Variants in GLYATL1 observed in about 807,000 individuals in gnomAD.
GLYATL1 encodes the protein glycine-N-acyltransferase like 1.
A neutral mutation model predicts 20.0 loss-of-function variants in GLYATL1; 15 were observed. The ratio of observed to expected loss-of-function variants is 0.75; its 90% CI spans 0.50 to 1.15. The LOEUF (loss-of-function observed/expected upper bound fraction) is 1.15. GLYATL1 is among the 50% of genes most tolerant of loss of function. GLYATL1 has a pLI of 0.00. For missense variants in GLYATL1, 380 were observed against 368.5 expected (o/e 1.03, Z -0.26); for synonymous variants, 151 against 131.5 (o/e 1.15, Z -1.01).
chr11:58,918,997 A>G (rs138144760), intron 1 of GLYATL1, among the ~76,000 whole-genome samples: 314 of 152,276 alleles, frequency 2.1e-3, no homozygotes, highest in Non-Finnish European at 3.7e-3. Context: ...CTGTAACTTG[A>G]ACAGCAGTTG....
chr11:58,943,630 G>A lies in GLYATL1; in HGVS notation c.-79G>A. ...CGGAAGGTACCTGCAGGATCCAATT[G>A]TGTCCATTGATCTCTCAGAGTGGCT... On this transcript the variant is annotated 5_prime_UTR_variant, in exon 2 of 7. In the 5' UTR this introduces an upstream ATG that the reference lacks. Transcript: ENST00000532726. 1 of 1,613,658 alleles carries A rather than the reference G, an allele frequency of 6.2e-7. No homozygotes were observed. The highest frequency in any genetic ancestry group is 1.3e-5 in the African/African-American group (1 of 75,022).
At chr11:58,924,154 C>A (rs758644313), upstream of GLYATL1, among the ~76,000 whole-genome samples, 17 of 152,252 alleles carry the variant, frequency 1.1e-4, no homozygotes, top group Non-Finnish European at 2.2e-4. Flanking sequence ...GCACTCCAGG[C>A]ATTTATTTTG....
chr11:58,947,110 A>G lies in GLYATL1; in HGVS notation c.23A>G (p.His8Arg), dbSNP rs1182222200. ...AGAATGATCCTACTGAATAACTCCC[A>G]TAAGCTGCTGGCCCTATACAAATCC... MILLNNS[H>R]KLLALYKSLA... The change falls in exon 3 of 7, where the codon CAT becomes CGT. Residue 8 changes from histidine to arginine, a missense_variant. Transcript: ENST00000532726. 1.2e-6 allele frequency: 2 copies of G among 1,614,120 alleles called. No homozygotes were observed. Among genetic ancestry groups the G allele is most frequent in the African/African-American group, 2.7e-5 (2 of 75,062 alleles).
At chr11:58,919,960 C>T (rs1362558672) in intron 1 of GLYATL1, among the ~76,000 whole-genome samples, 5 of 152,154 alleles carry the variant, frequency 3.3e-5, no homozygotes, top group Non-Finnish European at 7.4e-5. Context: ...GGTTTTCCAC[C>T]ATTCTCCCTC....
chr11:58,925,741 A>C (rs965017494), upstream of GLYATL1, among the ~76,000 whole-genome samples: 2 of 152,172 alleles, frequency 1.3e-5, no homozygotes, highest in Admixed American at 6.5e-5. Flanking sequence ...AGCTGATTGA[A>C]ATTTGTCATC....
At chr11:58,918,679 A>G (rs1317107886) in intron 1 of GLYATL1, among the ~76,000 whole-genome samples, 1 of 152,184 alleles carries the variant, frequency 6.6e-6, no homozygotes, top group East Asian at 1.9e-4. Flanking sequence ...TTAATAATAT[A>G]AGGAAAGTTA....
At chr11:58,913,797 C>T (rs1385590431) in intron 1 of GLYATL1, among the ~76,000 whole-genome samples, 1 of 152,096 alleles carries the variant, frequency 6.6e-6, no homozygotes, top group African/African-American at 2.4e-5. Context: ...GCAGGTGAGT[C>T]TTAGATGGAA....
chr11:58,907,278 C>G (rs1164740198), exon 2 of GLYATL1: 10 of 456,168 alleles, frequency 2.2e-5, no homozygotes, highest in Non-Finnish European at 4.4e-5. Flanking sequence ...TCTCTTGTCA[C>G]CTTGGTCTCT....
intron 1 of GLYATL1, among the ~76,000 whole-genome samples, chr11:58,907,083 G>T (rs1188347659): frequency 1.3e-5 from 2 of 152,182 alleles, no homozygotes; most frequent in Non-Finnish European, 2.9e-5. Context: ...CAGGGAGAGG[G>T]TTGGAGGAAA....
chr11:58,910,513 T>C (rs142239700), downstream of GLYATL1, among the ~76,000 whole-genome samples: 1 of 152,210 alleles, frequency 6.6e-6, no homozygotes, highest in Non-Finnish European at 1.5e-5. Context: ...CATGTGGCTG[T>C]GGTATTAGAC....
Position 58,944,272 on chromosome 11 carries a change from G to C in GLYATL1, c.-43+606G>C, listed in dbSNP as rs532554595. Among the ~76,000 whole-genome samples the C allele has an allele frequency of 1.2e-4, 19 of 152,228 alleles. No homozygotes were observed. The South Asian group carries it at 3.9e-3, about 32-fold the overall frequency. ...ACTAAAAACAGTTTTGGCACTATTGGATGTCAACTGCTATTCTTTTTGGAA... is the reference window on the plus strand; with the variant it reads ...ACTAAAAACAGTTTTGGCACTATTGCATGTCAACTGCTATTCTTTTTGGAA... On this transcript the variant is annotated intron_variant, in intron 2 of 6. Coordinates refer to ENST00000532726, the MANE Select transcript of GLYATL1 (RefSeq NM_001389712.2).
rs2135285253 is a variant in GLYATL1, at chr11:58,955,694, G to C, written c.576G>C (p.Glu192Asp). The change falls in exon 7 of 7, where the codon GAG becomes GAC. Residue 192 changes from glutamate (E) to aspartate (D), a missense_variant. Coordinates refer to ENST00000532726, the MANE Select transcript of GLYATL1 (RefSeq NM_001389712.2). Reference protein sequence around the residue: ...VNDNWKRGKNERSLHYIKRCI... With the variant: ...VNDNWKRGKNDRSLHYIKRCI... ...ACAACTGGAAGCGAGGGAAGAATGA[G>C]AGGAGCCTGCATTACATCAAGCGCT... 6.2e-7 allele frequency: 1 copy of C among 1,614,172 alleles called. No homozygotes were observed. Among genetic ancestry groups the C allele is most frequent in the Non-Finnish European group, 8.5e-7 (1 of 1,180,042 alleles).
At chr11:58,920,515 C>T (rs920004471) in intron 1 of GLYATL1, among the ~76,000 whole-genome samples, 2 of 152,130 alleles carry the variant, frequency 1.3e-5, no homozygotes, top group Non-Finnish European at 2.9e-5. Context: ...TATGAAACTG[C>T]TCAAATCAGT....
chr11:58,937,295 G>C (rs945392705), upstream of GLYATL1, among the ~76,000 whole-genome samples: 4 of 152,246 alleles, frequency 2.6e-5, no homozygotes, highest in Admixed American at 1.3e-4. Context: ...GAGTTAGGAT[G>C]CTCCTTTGGA....
chr11:58,912,179 C>T (rs993773995), downstream of GLYATL1, among the ~76,000 whole-genome samples: 6 of 152,062 alleles, frequency 3.9e-5, no homozygotes, highest in African/African-American at 1.4e-4. Context: ...AATAGGCAAA[C>T]CTGGTAAATG....
Position 58,954,947 on chromosome 11 carries a change from T to G in GLYATL1, c.313+51T>G, listed in dbSNP as rs778186730. 3.8e-6 allele frequency: 6 copies of G among 1,564,234 alleles called. No individual in the cohort carries two copies. The South Asian group carries it at 7.1e-5, about 19-fold the overall frequency. ...GCAGCTGTGCTTCTCAAATTGTGTC[T>G]TCAACTAACAGCATTAGCATCACCT... is the stretch of plus-strand genomic sequence containing the variant. On this transcript the variant is annotated intron_variant, in intron 5 of 6. Transcript: ENST00000532726.
At chr11:58,909,896 G>T (rs1854997700), downstream of GLYATL1, among the ~76,000 whole-genome samples, 1 of 152,060 alleles carries the variant, frequency 6.6e-6, no homozygotes, top group South Asian at 2.1e-4. Flanking sequence ...TTTCTTCAAC[G>T]GCTTGTTTGT....
chr11:58,956,348 T>C lies in GLYATL1; in HGVS notation c.*321T>C, dbSNP rs1265791223. The C allele has an allele frequency of 1.4e-5, 4 of 295,616 alleles. No individual in the cohort carries two copies. In the Admixed American group the frequency reaches 1.4e-4, roughly 10 times the overall value. The allele number at this position is 295,616 out of a possible 1,614,324, so 18.3% of individuals were successfully genotyped here. ...AGAACTCTTTATGCAACTTGGTTAATAGAATCTACTATCTGGAAGATAAAT... is the reference window on the plus strand; with the variant it reads ...AGAACTCTTTATGCAACTTGGTTAACAGAATCTACTATCTGGAAGATAAAT... On this transcript the variant is annotated 3_prime_UTR_variant, in exon 7 of 7. Transcript: ENST00000532726.
At position 58,955,989 on chromosome 11, in the gene GLYATL1, C is replaced by G. The variant is rs1365614081; in HGVS notation, c.871C>G (p.Gln291Glu). 6.2e-7 allele frequency: 1 copy of G among 1,612,900 alleles called. No homozygotes were observed. The highest frequency in any genetic ancestry group is 1.7e-5 in the Admixed American group (1 of 60,012). Residue 291 changes from glutamine (Q) to glutamate (E), a missense_variant, in exon 7 of 7, where the codon CAA (glutamine) becomes GAA (glutamate). By Grantham distance (29) the Gln-to-Glu change is conservative. Coordinates refer to ENST00000532726, the MANE Select transcript of GLYATL1 (RefSeq NM_001389712.2). The part of the protein sequence containing the change: ...GFFEASCEWH[Q>E]WTCYPQNLVP... ...CTTTGAGGCCTCCTGTGAGTGGCAC[C>G]AATGGACTTGCTACCCACAGAATCT... is the stretch of plus-strand genomic sequence containing the variant.
Sources: gnomAD v4.1 joint callset for allele counts (sites outside exome capture counted in the v4.1 genomes callset) on GRCh38, gnomAD v4.1.1 for gene constraint, MANE v1.5 for transcripts, NCBI Gene and HGNC (gene_info 2026-07-23, HGNC 2026-07-21) for gene names.